NTNG2: variants seen among roughly 807,000 people sequenced by gnomAD.
NTNG2 encodes the protein netrin G2.
Under a neutral mutation model 47.6 loss-of-function variants are expected in NTNG2, and 15 were observed. The ratio of observed to expected loss-of-function variants is 0.32; its 90% CI spans 0.21 to 0.49. The LOEUF (loss-of-function observed/expected upper bound fraction) is 0.49. Among genes scored for constraint, NTNG2 ranks in the 20% least tolerant of loss-of-function variants. The pLI is 0.99. For synonymous variants in NTNG2, 307 were observed against 324.6 expected, an observed-to-expected ratio of 0.95 and a Z score of 0.58; for missense variants, 578 against 764.6, an observed-to-expected ratio of 0.76 and a Z score of 2.88.
rs146967239 is a variant in NTNG2 at position 132,219,049 on chromosome 9, A to G, written c.858-7800A>G. Among the ~76,000 whole-genome samples the G allele has an allele frequency of 1.7e-3, 252 of 152,068 alleles. 4 individuals are homozygous for G. Among genetic ancestry groups the G allele is most frequent in the African/African-American group, 5.8e-3 (241 of 41,508 alleles). ...CCACAGCAGACTTTAGAACATTTCCATCACCCTAAAAAGACACTCTGGCCG... is the reference window on the plus strand; with the variant it reads ...CCACAGCAGACTTTAGAACATTTCCGTCACCCTAAAAAGACACTCTGGCCG... On this transcript the variant is annotated intron_variant, in intron 3 of 7. Transcript: ENST00000393229.
In NTNG2 at chr9:132,242,050, G is replaced by T; in HGVS notation, c.1532G>T (p.Arg511Leu). 7.9e-7 allele frequency: 1 copy of T among 1,270,010 alleles called. No individual in the cohort carries two copies. The highest frequency in any genetic ancestry group is 1.6e-5 in the African/African-American group (1 of 63,586). 78.7% of individuals were successfully genotyped at this position (1,270,010 alleles called of 1,614,324 possible). The change falls in exon 8 of 8, where the codon CGC (arginine) becomes CTC (leucine). Residue 511 changes from arginine to leucine, a missense_variant. By Grantham distance (102) the Arg-to-Leu change is moderately radical. Transcript: ENST00000393229. The surrounding 1 kb of genome is among the most constrained non-coding windows in gnomAD (Gnocchi z 5.9). ...DCDRAPGAAP[R>L]PATLLGCLLL... is the part of the protein sequence containing the mutation. The stretch of plus-strand genomic sequence containing the variant: ...GACCGCGCGCCCGGGGCCGCCCCGC[G>T]CCCCGCCACCCTGCTCGGCTGCCTG...
rs1371882052 is a variant in NTNG2, at chr9:132,226,811, A to G, written c.858-38A>G. The G allele has an allele frequency of 1.3e-6, 2 of 1,524,588 alleles. No individual in the cohort carries two copies. The highest frequency in any genetic ancestry group is 1.8e-6 in the Non-Finnish European group (2 of 1,132,214). 94.4% of individuals were successfully genotyped at this position (1,524,588 alleles called of 1,614,324 possible). A position where few individuals can be genotyped will look rare whatever the true frequency, so the allele number is the denominator to read the frequency against. On this transcript the variant is annotated intron_variant, in intron 3 of 7. Transcript: ENST00000393229. This position sits in a 1 kb window ranked among gnomAD's most constrained non-coding sequence, Gnocchi z 4.8. ...CAGAGGCCAGGCCAGGCTGCCCACA[A>G]GCTCTCTGACATCTCTGCCCTCTCG... is the stretch of plus-strand genomic sequence containing the variant.
Position 132,163,069 on chromosome 9 carries a change from C to A in NTNG2, c.-484+830C>A, listed in dbSNP as rs1192501509. Among the ~76,000 whole-genome samples, 2 of 152,170 alleles carry A rather than the reference C, an allele frequency of 1.3e-5. No individual in the cohort carries two copies. The highest frequency in any genetic ancestry group is 1.5e-5 in the Non-Finnish European group (1 of 68,004). On this transcript the variant is annotated intron_variant, in intron 1 of 7. Transcript: ENST00000393229. The surrounding 1 kb of genome is among the most constrained non-coding windows in gnomAD (Gnocchi z 7.2). ...ATACAGCCAGTTCCTGGGCGCCCTG[C>A]TCTGTGTCTTTTAATTAAGAGAGGC... is the stretch of plus-strand genomic sequence containing the variant.
At chr9:132,183,892 T>C (rs1160150381) in intron 2 of NTNG2, among the ~76,000 whole-genome samples, 1 of 152,130 alleles carries the variant, frequency 6.6e-6, no homozygotes, top group Non-Finnish European at 1.5e-5. Flanking sequence ...AGCTTTCAAT[T>C]TGGAGTAGAA....
At chr9:132,169,196 G>A (rs1835709602) in intron 2 of NTNG2, among the ~76,000 whole-genome samples, 1 of 152,278 alleles carries the variant, frequency 6.6e-6, no homozygotes, top group Non-Finnish European at 1.5e-5. Context: ...CTCCCACATG[G>A]GCAAGTCCTC....
intron 2 of NTNG2, among the ~76,000 whole-genome samples, chr9:132,175,773 A>G (rs541216347): frequency 6.6e-6 from 1 of 152,194 alleles, no homozygotes; most frequent in South Asian, 2.1e-4. Flanking sequence ...AGAGAGCGAG[A>G]ATACGCCCCC....
chr9:132,191,088 A>G (rs1294103195), intron 2 of NTNG2, among the ~76,000 whole-genome samples: 1 of 152,114 alleles, frequency 6.6e-6, no homozygotes, highest in African/African-American at 2.4e-5. Context: ...TGACTGTAGC[A>G]CCTGCCTCCT....
intron 5 of NTNG2, among the ~76,000 whole-genome samples, chr9:132,235,241 C>T (rs1312243321): frequency 6.6e-6 from 1 of 152,176 alleles, no homozygotes; most frequent in Non-Finnish European, 1.5e-5. Context: ...AGATCTTGGC[C>T]GGAACACATG....
intron 2 of NTNG2, among the ~76,000 whole-genome samples, chr9:132,183,017 G>A (rs1437537562): frequency 1.3e-5 from 2 of 152,154 alleles, no homozygotes; most frequent in African/African-American, 4.8e-5. Flanking sequence ...CCTCTCCCAG[G>A]CCTGCCCTGG....
chr9:132,212,577 C>CT (rs1347194043), intron 3 of NTNG2, among the ~76,000 whole-genome samples: 33 of 152,210 alleles, frequency 2.2e-4, no homozygotes, highest in African/African-American at 7.5e-4. Context: ...GGCGACCAAC[C>CT]CAGACCACCC....
At chr9:132,168,049 G>C (rs1340719614) in intron 2 of NTNG2, among the ~76,000 whole-genome samples, 1 of 152,274 alleles carries the variant, frequency 6.6e-6, no homozygotes, top group African/African-American at 2.4e-5. Context: ...ACCTGGCACA[G>C]AGTAAGTGCA....
At position 132,163,409 on chromosome 9, in the gene NTNG2, CG is replaced by C. The variant is rs1232374979; in HGVS notation, c.-484+1176del. Among the ~76,000 whole-genome samples the C allele has an allele frequency of 1.3e-5, 2 of 151,386 alleles. No individual in the cohort carries two copies. Among genetic ancestry groups the C allele is most frequent in the African/African-American group, 2.4e-5 (1 of 41,212 alleles). On this transcript the variant is annotated intron_variant, in intron 1 of 7. Coordinates refer to ENST00000393229, the MANE Select transcript of NTNG2 (RefSeq NM_032536.4). The surrounding 1 kb of genome is among the most constrained non-coding windows in gnomAD (Gnocchi z 7.2). The stretch of plus-strand genomic sequence containing the variant: ...GCCGGATAAAGGGCCCGCTCCGGAG[CG>C]GGGGGACACCCGGGCCGCCGGAATT...
rs560437091 is a variant in NTNG2, at chr9:132,197,416, A to G, written c.214-550A>G. Among the ~76,000 whole-genome samples the G allele has an allele frequency of 3.7e-4, 57 of 152,322 alleles. No homozygotes were observed. The highest frequency in any genetic ancestry group is 1.3e-3 in the African/African-American group (55 of 41,590). On this transcript the variant is annotated intron_variant, in intron 2 of 7. Coordinates refer to ENST00000393229, the MANE Select transcript of NTNG2 (RefSeq NM_032536.4). This position sits in a 1 kb window ranked among gnomAD's most constrained non-coding sequence, Gnocchi z 4.3. ...TAAAAAAATAAAATTAAAATTAAAA[A>G]ATAAAAGGCTCAGGAAGGTGACTCA...
At chr9:132,234,627 G>C (rs1841486552) in intron 5 of NTNG2, among the ~76,000 whole-genome samples, 2 of 152,252 alleles carry the variant, frequency 1.3e-5, no homozygotes, top group South Asian at 2.1e-4. Flanking sequence ...ATGTCAAGCT[G>C]TCTGGAGGAC....
intron 2 of NTNG2, among the ~76,000 whole-genome samples, chr9:132,185,815 G>A (rs1047016593): frequency 2.0e-5 from 3 of 151,698 alleles, no homozygotes; most frequent in Non-Finnish European, 4.4e-5. Flanking sequence ...GAGCCCCTGT[G>A]TGTGCAGGGA....
rs950612678 is a variant in NTNG2, at chr9:132,239,410, A to C, written c.1222+139A>C. 1.2e-5 allele frequency: 9 copies of C among 773,576 alleles called. No individual in the cohort carries two copies. The African/African-American group carries it at 1.4e-4, about 12-fold the overall frequency. The allele number at this position is 773,576 out of a possible 1,614,324, so 47.9% of individuals were successfully genotyped here. A position where few individuals can be genotyped will look rare whatever the true frequency, so the allele number is the denominator to read the frequency against. ...GAATTCTAACTCCAGGGCCCTCTCC[A>C]GTTGAGCATCTCTAAGGACAGAAAG... On this transcript the variant is annotated intron_variant, in intron 6 of 7. Transcript: ENST00000393229.
intron 2 of NTNG2, among the ~76,000 whole-genome samples, chr9:132,193,265 G>A (rs1465635680): frequency 6.6e-6 from 1 of 152,164 alleles, no homozygotes; most frequent in Non-Finnish European, 1.5e-5. Flanking sequence ...TTATTAATAT[G>A]ATGATAATAA....
intron 6 of NTNG2, among the ~76,000 whole-genome samples, chr9:132,240,456 C>T (rs1433668392): frequency 6.6e-6 from 1 of 152,244 alleles, no homozygotes; most frequent in African/African-American, 2.4e-5. Flanking sequence ...GGGCCCACCC[C>T]GGGAGCAGGA....
intron 2 of NTNG2, 56 bp downstream of exon 2, chr9:132,167,100 G>T: frequency 6.4e-7 from 1 of 1,574,072 alleles, no homozygotes; most frequent in East Asian, 2.3e-5. Context: ...GAGGTCTGGA[G>T]GAGATCCTTG....
Sources: gnomAD v4.1 joint callset for allele counts (sites outside exome capture counted in the v4.1 genomes callset) on GRCh38, gnomAD v4.1.1 for gene constraint, Gnocchi (gnomAD v3.1) non-coding constraint, MANE v1.5 for transcripts, NCBI Gene and HGNC (gene_info 2026-07-23, HGNC 2026-07-21) for gene names.